The following LIMCH1 variants were observed in gnomAD, a reference collection of about 807,000 sequenced individuals.
The protein encoded by LIMCH1 is LIM and calponin homology domains 1.
In LIMCH1, 113 loss-of-function variants were observed where a neutral mutation model predicts 176.5. That is an observed-to-expected ratio of 0.64 (90% CI 0.55 to 0.75). The LOEUF (loss-of-function observed/expected upper bound fraction) is 0.75. LIMCH1 is among the 30% of genes least tolerant of loss of function. The probability of loss-of-function intolerance (pLI) is 0.00; values close to 1 mark genes in which losing one functional copy is unlikely to be tolerated. For synonymous variants in LIMCH1, 619 were observed against 645.9 expected (o/e 0.96, Z 0.63); for missense variants, 1,674 against 1,814.9 (o/e 0.92, Z 1.41).
chr4:41,650,375 T>C lies in LIMCH1; in HGVS notation c.2821-18T>C, dbSNP rs1388072163. On this transcript the variant is annotated intron_variant, in intron 17 of 31. Transcript: ENST00000503057. Reference sequence around the variant, plus strand: ...GGGGTATATATAGCATGTTTTTTGTTCATTCTGGCTTTTATAGGTAGACGG... The same window carrying C: ...GGGGTATATATAGCATGTTTTTTGTCCATTCTGGCTTTTATAGGTAGACGG... 1 of 1,598,990 alleles carries C rather than the reference T, an allele frequency of 6.3e-7. No homozygotes were observed. Among genetic ancestry groups the C allele is most frequent in the Non-Finnish European group, 8.6e-7 (1 of 1,166,488 alleles).
At chr4:41,676,314 A>G (rs1352974224) in intron 22 of LIMCH1, 68 bp from the exon 23 acceptor site, 2 of 1,282,438 alleles carry the variant, frequency 1.6e-6, no homozygotes, top group East Asian at 2.4e-5. Context: ...CCAATTGTCT[A>G]CTCTTCACCC....
rs552314585 is a variant in LIMCH1, at chr4:41,546,833, A to G, written c.-241+8483A>G. On this transcript the variant is annotated intron_variant, in intron 1 of 31. Coordinates refer to ENST00000503057, the MANE Select transcript of LIMCH1 (RefSeq NM_001330672.2). Reference sequence around the variant, plus strand: ...TGCCAAGGATTCCACATACCTACATATATATATGGAGAGAGAGAGAGACAA... The same window carrying G: ...TGCCAAGGATTCCACATACCTACATGTATATATGGAGAGAGAGAGAGACAA... 7.2e-5 allele frequency among the ~76,000 whole-genome samples: 11 copies of G among 152,094 alleles called. No individual in the cohort carries two copies. The South Asian group carries it at 1.5e-3, about 20-fold the overall frequency.
chr4:41,610,515 C>A (rs576512303), intron 4 of LIMCH1, among the ~76,000 whole-genome samples: 24 of 152,160 alleles, frequency 1.6e-4, no homozygotes, highest in Non-Finnish European at 3.4e-4. Flanking sequence ...TTGAAATTTA[C>A]CCATTTGAGA....
Position 41,633,701 on chromosome 4 carries a change from G to A in LIMCH1, c.1983G>A (p.Met661Ile), listed in dbSNP as rs1041157862. Residue 661 changes from methionine to isoleucine, a missense_variant, in exon 13 of 32, where the codon ATG becomes ATA. Met to Ile is a conservative substitution (Grantham distance 10). Coordinates refer to ENST00000503057, the MANE Select transcript of LIMCH1 (RefSeq NM_001330672.2). ...KDDMMARRTG[M>I]SLRHTGSNPN... ...ACATGATGGCCAGGAGAACTGGGAT[G>A]TCCCTTAGACACACTGGATCCAACC... is the stretch of plus-strand genomic sequence containing the variant. 2.6e-6 allele frequency: 4 copies of A among 1,536,098 alleles called. No homozygotes were observed. The highest frequency in any genetic ancestry group is 2.6e-6 in the Non-Finnish European group (3 of 1,146,944).
At position 41,498,949 on chromosome 4, in the gene LIMCH1, T is replaced by C. The variant is rs1249534767; in HGVS notation, c.167+4343T>C. ...TTAAAGGATTGTAAACCAAACTAAA[T>C]TAAACAAGAGTCTATATGTGGCTCA... On this transcript the variant is annotated intron_variant, in intron 2 of 26. Coordinates refer to the LIMCH1 transcript ENST00000313860. 2.6e-5 allele frequency among the ~76,000 whole-genome samples: 4 copies of C among 152,084 alleles called. No individual in the cohort carries two copies. The South Asian group carries it at 6.2e-4, about 24-fold the overall frequency.
At chr4:41,475,834 A>G (rs9993551) in intron 1 of LIMCH1, among the ~76,000 whole-genome samples, 27,948 of 152,170 alleles carry the variant, frequency 0.18, 2,582 homozygotes, top group Middle Eastern at 0.28. Context: ...TACCTATGTA[A>G]CAAACCTGCA....
intron 1 of LIMCH1, among the ~76,000 whole-genome samples, chr4:41,419,201 G>T (rs917277518): frequency 1.3e-5 from 2 of 149,286 alleles, no homozygotes; most frequent in South Asian, 2.1e-4. Flanking sequence ...ATTTTGAGAC[G>T]GAGTCTAGCT....
intron 13 of LIMCH1, among the ~76,000 whole-genome samples, chr4:41,636,550 A>G (rs1427834913): frequency 2.0e-5 from 3 of 152,018 alleles, no homozygotes; most frequent in Non-Finnish European, 2.9e-5. Context: ...AATGAAGGTT[A>G]TCTTCGGAAA....
At position 41,538,730 on chromosome 4, in the gene LIMCH1, G is replaced by C. The variant is rs979278809; in HGVS notation, c.-241+380G>C. Among the ~76,000 whole-genome samples, 6 of 152,118 alleles carry C rather than the reference G, an allele frequency of 3.9e-5. No individual in the cohort carries two copies. The East Asian group carries it at 9.6e-4, about 24-fold the overall frequency. Reference sequence around the variant, plus strand: ...GTGGTCCAGCAGCACATGGTGTTGTGGGGGAGATGTGGCTGCATTCATGGT... The same window carrying C: ...GTGGTCCAGCAGCACATGGTGTTGTCGGGGAGATGTGGCTGCATTCATGGT... On this transcript the variant is annotated intron_variant, in intron 1 of 31. Coordinates refer to ENST00000503057, the MANE Select transcript of LIMCH1 (RefSeq NM_001330672.2).
At chr4:41,362,355 T>C (rs2052242933) in intron 1 of LIMCH1, among the ~76,000 whole-genome samples, 2 of 152,252 alleles carry the variant, frequency 1.3e-5, no homozygotes, top group Non-Finnish European at 2.9e-5. Flanking sequence ...ATTTTTGATA[T>C]GTGGCTGGAA....
intron 1 of LIMCH1, among the ~76,000 whole-genome samples, chr4:41,557,352 A>G (rs963580543): frequency 9.2e-5 from 14 of 152,164 alleles, no homozygotes; most frequent in Non-Finnish European, 2.9e-5. Context: ...CTCATGTACT[A>G]GTGTGCATAA....
intron 1 of LIMCH1, chr4:41,473,032 T>C: frequency 1.0e-6 from 1 of 984,820 alleles, no homozygotes; most frequent in Non-Finnish European, 1.2e-6. Flanking sequence ...AAGGCCAATC[T>C]CCACGAAATA....
At chr4:41,646,331 T>C (rs2094056617) in intron 16 of LIMCH1, 51 bp downstream of exon 16, 2 of 1,548,736 alleles carry the variant, frequency 1.3e-6, no homozygotes, top group Non-Finnish European at 1.7e-6. Flanking sequence ...CTAGGTGTTT[T>C]TTTTTTCTAA....
rs572016562 is a variant in LIMCH1 at position 41,530,744 on chromosome 4, G to A, written c.237+6266G>A. Among the ~76,000 whole-genome samples the A allele has an allele frequency of 6.9e-5, 9 of 131,286 alleles. No homozygotes were observed. The East Asian group carries it at 1.6e-3, about 23-fold the overall frequency. 86.1% of individuals were successfully genotyped at this position (131,286 alleles called of 152,430 possible). A position where few individuals can be genotyped will look rare whatever the true frequency, so the allele number is the denominator to read the frequency against. ...ATTGCTTGAACCCAGGCAGTGAGCC[G>A]AGATTGTGCCATTGCACTCCAGCCG... On this transcript the variant is annotated intron_variant, in intron 3 of 26. Transcript: ENST00000313860.
rs761501125 is a variant in LIMCH1, at chr4:41,454,940, A to ATGTGTG, written c.97-39562_97-39557dup. Among the ~76,000 whole-genome samples, 349 of 131,332 alleles carry ATGTGTG rather than the reference A, an allele frequency of 2.7e-3. 3 individuals carry two copies. The highest frequency in any genetic ancestry group is 8.1e-3 in the Middle Eastern group (2 of 248). 86.2% of individuals were successfully genotyped at this position (131,332 alleles called of 152,430 possible). On this transcript the variant is annotated intron_variant, in intron 1 of 26. Transcript: ENST00000313860. ...TTTATAGCTGTGCTTGTATGCGTAC[A>ATGTGTG]TGTGTGTGTGTGTGTGTGTGTGTGT...
At chr4:41,405,229 TA>T (rs1581641617) in intron 1 of LIMCH1, among the ~76,000 whole-genome samples, 1 of 152,328 alleles carries the variant, frequency 6.6e-6, no homozygotes, top group East Asian at 1.9e-4. Context: ...GTTTTGATTT[TA>T]AAAAACTATC....
At chr4:41,554,868 C>T (rs1376294770) in intron 1 of LIMCH1, among the ~76,000 whole-genome samples, 1 of 152,102 alleles carries the variant, frequency 6.6e-6, no homozygotes, top group Admixed American at 6.6e-5. Context: ...GAGCACTGTG[C>T]AGGGAACAAG....
At chr4:41,591,983 A>G (rs1323678085) in intron 1 of LIMCH1, among the ~76,000 whole-genome samples, 2 of 152,238 alleles carry the variant, frequency 1.3e-5, no homozygotes, top group Non-Finnish European at 2.9e-5. Flanking sequence ...TGGAAATGAC[A>G]ACTGAAGAAA....
chr4:41,533,580 CT>C (rs59771718), upstream of LIMCH1, among the ~76,000 whole-genome samples: 268 of 152,312 alleles, frequency 1.8e-3, 7 homozygotes, highest in East Asian at 0.045. Context: ...ATGATGTGTT[CT>C]CTCTCTTGCC....
Sources: gnomAD v4.1 joint callset for allele counts (sites outside exome capture counted in the v4.1 genomes callset) on GRCh38, gnomAD v4.1.1 for gene constraint, MANE v1.5 for transcripts, NCBI Gene and HGNC (gene_info 2026-07-23, HGNC 2026-07-21) for gene names.